The following SKAP1 variants were observed in gnomAD, a reference collection of about 807,000 sequenced individuals.
The protein encoded by SKAP1 is src kinase associated phosphoprotein 1.
A neutral mutation model predicts 58.5 loss-of-function variants in SKAP1; 44 were observed. The ratio of observed to expected loss-of-function variants is 0.75; its 90% CI spans 0.59 to 0.97. The LOEUF (loss-of-function observed/expected upper bound fraction) is 0.97. Among genes scored for constraint, SKAP1 ranks in the 50% least tolerant of loss-of-function variants. The pLI is 0.00. For synonymous variants in SKAP1, 127 were observed against 149.7 expected, an observed-to-expected ratio of 0.85 and a Z score of 1.11; for missense variants, 390 against 435.2, an observed-to-expected ratio of 0.90 and a Z score of 0.92.
intron 1 of SKAP1, among the ~76,000 whole-genome samples, chr17:48,426,143 T>G (rs2067851738): frequency 6.6e-6 from 1 of 152,214 alleles, no homozygotes; most frequent in Non-Finnish European, 1.5e-5. Flanking sequence ...CTGAAACGGA[T>G]TTTATGATTG....
chr17:48,310,362 T>TTC (rs1426109932), intron 4 of SKAP1, among the ~76,000 whole-genome samples: 3 of 152,254 alleles, frequency 2.0e-5, no homozygotes, highest in African/African-American at 7.2e-5. Flanking sequence ...TTTGTTGTCC[T>TTC]TCTGTACATG....
At chr17:48,294,178 T>C (rs1419616695) in intron 4 of SKAP1, among the ~76,000 whole-genome samples, 1 of 152,062 alleles carries the variant, frequency 6.6e-6, no homozygotes, top group African/African-American at 2.4e-5. Context: ...TCTAATGGAG[T>C]AAAGTCCTAT....
In SKAP1 at chr17:48,229,387, G is replaced by A. The variant is rs35946060; in HGVS notation, c.281-39887C>T. Among the ~76,000 whole-genome samples, 21 of 152,194 alleles carry A rather than the reference G, an allele frequency of 1.4e-4. 1 individual carries two copies. The highest frequency in any genetic ancestry group is 3.9e-4 in the African/African-American group (16 of 41,532). ...TGTAATCCCAGCATTTTGGGAGGAC[G>A]AGGTGGGCAGATCGCCTGAGGTCAG... is the stretch of plus-strand genomic sequence containing the variant. On this transcript the variant is annotated intron_variant, in intron 4 of 12. Coordinates refer to ENST00000336915, the MANE Select transcript of SKAP1 (RefSeq NM_003726.4).
chr17:48,326,337 CATTT>C (rs918896434), intron 4 of SKAP1, among the ~76,000 whole-genome samples: 1 of 152,108 alleles, frequency 6.6e-6, no homozygotes, highest in Non-Finnish European at 1.5e-5. Flanking sequence ...ATGATAAGTT[CATTT>C]GTTTCAAAGC....
At position 48,373,810 on chromosome 17, in the gene SKAP1, G is replaced by A. The variant is rs79295489; in HGVS notation, c.153-9996C>T. On this transcript the variant is annotated intron_variant, in intron 2 of 12. Coordinates refer to ENST00000336915, the MANE Select transcript of SKAP1 (RefSeq NM_003726.4). ...CCCACTGAATTAGGTGAATAGAGTT[G>A]TAATGGCATTATAAAACTAGCTACC... is the stretch of plus-strand genomic sequence containing the variant. Among the ~76,000 whole-genome samples, 588 of 152,272 alleles carry A rather than the reference G, an allele frequency of 3.9e-3. 4 individuals are homozygous for A. The highest frequency in any genetic ancestry group is 0.014 in the African/African-American group (571 of 41,538).
chr17:48,163,536 G>T (rs2064097540), intron 10 of SKAP1, among the ~76,000 whole-genome samples: 1 of 152,188 alleles, frequency 6.6e-6, no homozygotes. Context: ...TTTCCTTGGG[G>T]TGCTCTGTAT....
intron 4 of SKAP1, among the ~76,000 whole-genome samples, chr17:48,270,545 G>A (rs928098367): frequency 2.0e-5 from 3 of 152,016 alleles, no homozygotes; most frequent in Admixed American, 1.3e-4. Flanking sequence ...GTTTCTCCAT[G>A]TTGGCCAGGC....
intron 4 of SKAP1, among the ~76,000 whole-genome samples, chr17:48,256,782 A>C (rs1046476845): frequency 6.6e-6 from 1 of 152,134 alleles, no homozygotes; most frequent in African/African-American, 2.4e-5. Context: ...GGAAGGAAGA[A>C]GCTAAGCTAT....
chr17:48,242,015 G>A (rs956405747), intron 4 of SKAP1, among the ~76,000 whole-genome samples: 10 of 152,178 alleles, frequency 6.6e-5, no homozygotes, highest in Non-Finnish European at 1.0e-4. Context: ...TAATGAGGTT[G>A]AGTTAAGACA....
At chr17:48,283,077 T>A (rs1213874695) in intron 4 of SKAP1, among the ~76,000 whole-genome samples, 1 of 152,202 alleles carries the variant, frequency 6.6e-6, no homozygotes, top group East Asian at 1.9e-4. Flanking sequence ...AATAATTACC[T>A]GAATACAGAA....
At chr17:48,240,292 C>T (rs1375460786) in intron 4 of SKAP1, among the ~76,000 whole-genome samples, 7 of 152,106 alleles carry the variant, frequency 4.6e-5, no homozygotes, top group African/African-American at 1.7e-4. Context: ...AAGTTTATGC[C>T]TTGAAATATA....
chr17:48,322,531 A>G (rs2066381360), intron 4 of SKAP1, among the ~76,000 whole-genome samples: 1 of 152,230 alleles, frequency 6.6e-6, no homozygotes, highest in African/African-American at 2.4e-5. Context: ...TGGGTAAGAC[A>G]TAATATCTCT....
At chr17:48,317,941 T>A (rs2066310455) in intron 4 of SKAP1, among the ~76,000 whole-genome samples, 1 of 151,900 alleles carries the variant, frequency 6.6e-6, no homozygotes. Flanking sequence ...AATCAACAGG[T>A]ATGAGAGAAA....
At position 48,184,821 on chromosome 17, in the gene SKAP1, T is replaced by C. The variant is rs750117051; in HGVS notation, c.469A>G (p.Ile157Val). ...KSKQPKGTFL[I>V]KGYGVRMAPH... is the part of the protein sequence containing the mutation. ...GCCATCCGTACACCGTAGCCCTTAA[T>C]GAGGAAGGTCCCTTTGGGCTGCTTG... The change falls in exon 7 of 13, where the codon ATT (isoleucine) becomes GTT (valine). Residue 157 changes from isoleucine to valine, a missense_variant. Coordinates refer to ENST00000336915, the MANE Select transcript of SKAP1 (RefSeq NM_003726.4). The C allele has an allele frequency of 3.7e-6, 6 of 1,613,786 alleles. No individual in the cohort carries two copies. The Admixed American group carries it at 8.3e-5, about 22-fold the overall frequency.
chr17:48,403,198 A>AT (rs2067523772), intron 1 of SKAP1, among the ~76,000 whole-genome samples: 1 of 127,740 alleles, frequency 7.8e-6, no homozygotes, highest in African/African-American at 2.9e-5. Flanking sequence ...CCCTGTCTCT[A>AT]CAAAAAAAAA....
chr17:48,226,640 C>A (rs2065072140), intron 4 of SKAP1, among the ~76,000 whole-genome samples: 1 of 152,178 alleles, frequency 6.6e-6, no homozygotes, highest in South Asian at 2.1e-4. Flanking sequence ...GTCCTCCAGT[C>A]TTCACTGGCA....
Position 48,370,530 on chromosome 17 carries a change from C to T in SKAP1, c.153-6716G>A, listed in dbSNP as rs552936706. 6.6e-5 allele frequency among the ~76,000 whole-genome samples: 10 copies of T among 152,198 alleles called. No homozygotes were observed. In the South Asian group the frequency reaches 2.1e-3, roughly 32 times the overall value. ...GTTGCCCTAGGCTGGTCTCAAACTGCTGAGCTCAAGCCCGCCTCAGCCACC... is the reference window on the plus strand; with the variant it reads ...GTTGCCCTAGGCTGGTCTCAAACTGTTGAGCTCAAGCCCGCCTCAGCCACC... On this transcript the variant is annotated intron_variant, in intron 2 of 12. Coordinates refer to ENST00000336915, the MANE Select transcript of SKAP1 (RefSeq NM_003726.4).
rs181770576 is a variant in SKAP1, at chr17:48,397,506, G to A, written c.47-721C>T. Among the ~76,000 whole-genome samples, 21 of 152,318 alleles carry A rather than the reference G, an allele frequency of 1.4e-4. 1 individual carries two copies. Among genetic ancestry groups the A allele is most frequent in the African/African-American group, 4.1e-4 (17 of 41,568 alleles). On this transcript the variant is annotated intron_variant, in intron 1 of 12. Coordinates refer to ENST00000336915, the MANE Select transcript of SKAP1 (RefSeq NM_003726.4). ...CTCCCCAACTGCTGGGATTACAGGC[G>A]TGAGCCACCGCGCCCGGCCTGGACT...
At position 48,202,586 on chromosome 17, in the gene SKAP1, C is replaced by T. The variant is rs930396736; in HGVS notation, c.281-13086G>A. Among the ~76,000 whole-genome samples the T allele has an allele frequency of 3.4e-4, 51 of 152,082 alleles. 1 individual carries two copies. Among genetic ancestry groups the T allele is most frequent in the Admixed American group, 3.1e-3 (48 of 15,276 alleles). On this transcript the variant is annotated intron_variant, in intron 4 of 12. Transcript: ENST00000336915. ...TATTTCTGGATTTTTCTGTTTCATC[C>T]GACAAAACTCAAGCAAGTTTGAAGT...
Sources: gnomAD v4.1 joint callset for allele counts (sites outside exome capture counted in the v4.1 genomes callset) on GRCh38, gnomAD v4.1.1 for gene constraint, MANE v1.5 for transcripts, NCBI Gene and HGNC (gene_info 2026-07-23, HGNC 2026-07-21) for gene names.